The following FBRSL1 variants were observed in gnomAD, a reference collection of about 807,000 sequenced individuals.
FBRSL1 encodes fibrosin like 1.
In FBRSL1, 51 loss-of-function variants were observed where a neutral mutation model predicts 89.6. The observed-to-expected ratio is 0.57, with a 90% CI of 0.45 to 0.72. FBRSL1 has a LOEUF of 0.72. Ranked by LOEUF, FBRSL1 falls within the 30% of genes least tolerant of loss-of-function variation. FBRSL1 has a pLI of 0.00. For missense variants in FBRSL1, 1,618 were observed against 1,451.8 expected, an observed-to-expected ratio of 1.11 and a Z score of -1.86; for synonymous variants, 779 against 681.1, an observed-to-expected ratio of 1.14 and a Z score of -2.24.
intron 2 of FBRSL1, among the ~76,000 whole-genome samples, chr12:132,518,590 C>T (rs1385084188): frequency 6.6e-6 from 1 of 150,836 alleles, no homozygotes; most frequent in African/African-American, 2.4e-5. Flanking sequence ...ATCCATCCAC[C>T]CATCTGTCCA....
chr12:132,527,871 C>A, intron 3 of FBRSL1, 82 bp from the exon 4 acceptor site: 1 of 1,343,610 alleles, frequency 7.4e-7, no homozygotes, highest in South Asian at 1.3e-5. Context: ...GGGCTGAGGG[C>A]TGCAGGGCAG....
intron 5 of FBRSL1, among the ~76,000 whole-genome samples, chr12:132,548,863 C>A (rs148754017): frequency 6.6e-6 from 1 of 152,196 alleles, no homozygotes; most frequent in Non-Finnish European, 1.5e-5. Context: ...AGGCCCGAGG[C>A]GGACTGCATG....
At chr12:132,528,781 G>A (rs2036017300) in intron 4 of FBRSL1, among the ~76,000 whole-genome samples, 1 of 151,984 alleles carries the variant, frequency 6.6e-6, no homozygotes, top group African/African-American at 2.4e-5. Context: ...GGGGGAAGCA[G>A]GTGTGTTTCA....
chr12:132,491,130 GCTGT>G (rs1245107923), intron 1 of FBRSL1, among the ~76,000 whole-genome samples: 1 of 152,254 alleles, frequency 6.6e-6, no homozygotes, highest in African/African-American at 2.4e-5. Context: ...GAAATTGGGG[GCTGT>G]CTGACAGCAC....
chr12:132,497,554 C>T (rs2032241527), intron 1 of FBRSL1, among the ~76,000 whole-genome samples: 1 of 152,146 alleles, frequency 6.6e-6, no homozygotes. Flanking sequence ...CAGATGGCAC[C>T]AGGACCCCCT....
intron 4 of FBRSL1, among the ~76,000 whole-genome samples, chr12:132,532,798 T>C (rs968701775): frequency 2.0e-5 from 3 of 152,114 alleles, no homozygotes; most frequent in African/African-American, 7.2e-5. Flanking sequence ...CTGAGGCCCC[T>C]GAGGAAGGAG....
chr12:132,501,424 C>T (rs990225934), intron 1 of FBRSL1, among the ~76,000 whole-genome samples: 3 of 152,192 alleles, frequency 2.0e-5, no homozygotes, highest in African/African-American at 4.8e-5. Flanking sequence ...TGCGTGGGAT[C>T]GCCAGTGGCA....
intron 4 of FBRSL1, among the ~76,000 whole-genome samples, chr12:132,538,164 G>A (rs1453865458): frequency 1.3e-5 from 2 of 152,174 alleles, no homozygotes; most frequent in East Asian, 1.9e-4. Context: ...TTGATTCATA[G>A]GAGGTCCTGA....
intron 1 of FBRSL1, among the ~76,000 whole-genome samples, chr12:132,498,882 T>TCA (rs2032497885): frequency 6.6e-6 from 1 of 152,228 alleles, no homozygotes; most frequent in Non-Finnish European, 1.5e-5. Flanking sequence ...GCCATGGTAC[T>TCA]CACCCCACTG....
At chr12:132,511,633 C>T (rs2034353177) in intron 2 of FBRSL1, 4 of 985,610 alleles carry the variant, frequency 4.1e-6, no homozygotes, top group Admixed American at 1.2e-4. Flanking sequence ...TGACAGGAGG[C>T]TCTGGTCCTG....
intron 2 of FBRSL1, among the ~76,000 whole-genome samples, chr12:132,512,897 G>A (rs1042439100): frequency 2.0e-5 from 3 of 152,214 alleles, no homozygotes; most frequent in African/African-American, 2.4e-5. Context: ...TCGAGGCCTG[G>A]CCATGACCCT....
In FBRSL1 at chr12:132,541,433, AC is replaced by A. The variant is rs150057498; in HGVS notation, c.616-6563del. On this transcript the variant is annotated intron_variant, in intron 4 of 18. Transcript: ENST00000680143. Reference sequence around the variant, plus strand: ...CCAGCAGCCCCGCCAGAGGTCATGCACCCCCCCACCCCGGGGACAGCTGCCC... The same window carrying A: ...CCAGCAGCCCCGCCAGAGGTCATGCACCCCCCACCCCGGGGACAGCTGCCC... Among the ~76,000 whole-genome samples, 4 of 151,586 alleles carry A rather than the reference AC, an allele frequency of 2.6e-5. No homozygotes were observed. The East Asian group carries it at 5.9e-4, about 22-fold the overall frequency.
At chr12:132,574,248 G>A (rs1025252170) in intron 12 of FBRSL1, 71 bp from the exon 13 acceptor site, 19 of 1,458,464 alleles carry the variant, frequency 1.3e-5, no homozygotes, top group Non-Finnish European at 1.6e-5. Context: ...CAGACGGGCT[G>A]TGTCCCCTGC....
rs574508217 is a variant in FBRSL1 at position 132,574,128 on chromosome 12, G to A, written c.1569G>A (p.Ala523=). ...SPIEVARRAG[A]VHTLLQKAPG... ...TTGAGGTGGCCCGCCGGGCTGGTGC[G>A]GTTCACACACTCCTGCAGAAAGCGC... Residue 523 remains alanine, a synonymous_variant, in exon 12 of 19, where the codon GCG becomes GCA. Coordinates refer to ENST00000680143, the MANE Select transcript of FBRSL1 (RefSeq NM_001367871.1). The A allele has an allele frequency of 2.4e-5, 33 of 1,385,886 alleles. No homozygotes were observed. The African/African-American group carries it at 2.8e-4, about 12-fold the overall frequency. The allele number at this position is 1,385,886 out of a possible 1,614,324, so 85.8% of individuals were successfully genotyped here. A position where few individuals can be genotyped will look rare whatever the true frequency, so the allele number is the denominator to read the frequency against.
At chr12:132,532,394 C>T (rs746196442) in intron 4 of FBRSL1, among the ~76,000 whole-genome samples, 6 of 152,192 alleles carry the variant, frequency 3.9e-5, no homozygotes, top group South Asian at 4.1e-4. Context: ...CTCCTCCATG[C>T]GGCTGCCCAG....
intron 5 of FBRSL1, among the ~76,000 whole-genome samples, chr12:132,563,846 C>T (rs535128649): frequency 8.0e-5 from 4 of 49,784 alleles, no homozygotes; most frequent in African/African-American, 5.7e-4. Flanking sequence ...TGCACCCCTC[C>T]GGCTGACACA....
chr12:132,516,876 C>T (rs1426535760), intron 2 of FBRSL1, among the ~76,000 whole-genome samples: 1 of 152,212 alleles, frequency 6.6e-6, no homozygotes, highest in Admixed American at 6.5e-5. Context: ...GGGGATGTTA[C>T]TAAATAGTTC....
At chr12:132,498,853 G>A (rs1006405086) in intron 1 of FBRSL1, among the ~76,000 whole-genome samples, 3 of 152,250 alleles carry the variant, frequency 2.0e-5, no homozygotes, top group African/African-American at 7.2e-5. Flanking sequence ...CCTGTGTGAT[G>A]CGTGGAAACT....
At chr12:132,535,405 G>C (rs916508265) in intron 4 of FBRSL1, among the ~76,000 whole-genome samples, 1 of 152,238 alleles carries the variant, frequency 6.6e-6, no homozygotes, top group Non-Finnish European at 1.5e-5. Flanking sequence ...CCGCTGTGGG[G>C]ACGTAGAGGG....
Sources: gnomAD v4.1 joint callset for allele counts (sites outside exome capture counted in the v4.1 genomes callset) on GRCh38, gnomAD v4.1.1 for gene constraint, MANE v1.5 for transcripts, NCBI Gene and HGNC (gene_info 2026-07-23, HGNC 2026-07-21) for gene names.